MYO3B: variants seen among roughly 807,000 people sequenced by gnomAD.
The protein encoded by MYO3B is myosin IIIB, also known as myosin-IIIb.
Under a neutral mutation model 174.6 loss-of-function variants are expected in MYO3B, and 156 were observed. The ratio of observed to expected loss-of-function variants is 0.89; its 90% CI spans 0.78 to 1.02. MYO3B has a LOEUF of 1.02. Among genes scored for constraint, MYO3B ranks in the 50% least tolerant of loss-of-function variants. MYO3B has a pLI of 0.00. For synonymous variants in MYO3B, 563 were observed against 569.1 expected (o/e 0.99, Z 0.15); for missense variants, 1,632 against 1,639.4 (o/e 1.00, Z 0.08).
intron 32 of MYO3B, among the ~76,000 whole-genome samples, chr2:170,599,176 A>G (rs1398592182): frequency 1.3e-5 from 2 of 152,098 alleles, no homozygotes; most frequent in Non-Finnish European, 2.9e-5. Flanking sequence ...TTGTGTTCCT[A>G]GTCATTCTCT....
rs555978108 is a variant in MYO3B at position 170,427,496 on chromosome 2, G to A, written c.2651-16471G>A. Among the ~76,000 whole-genome samples the A allele has an allele frequency of 4.6e-5, 7 of 152,190 alleles. No individual in the cohort carries two copies. The South Asian group carries it at 8.3e-4, about 18-fold the overall frequency. ...GGAAGAAGTGTTTCTGGGCACTGGC[G>A]TTTTATGAACGGGTTATACATATAT... On this transcript the variant is annotated intron_variant, in intron 22 of 34. Coordinates refer to ENST00000408978, the MANE Select transcript of MYO3B (RefSeq NM_138995.5).
At chr2:170,416,059 G>A (rs1043745773) in intron 22 of MYO3B, among the ~76,000 whole-genome samples, 1 of 152,112 alleles carries the variant, frequency 6.6e-6, no homozygotes, top group Non-Finnish European at 1.5e-5. Flanking sequence ...CAATATAAAT[G>A]ATGTTCTTAT....
rs1178567758 is a variant in MYO3B, at chr2:170,383,757, C to A, written c.1233C>A (p.His411Gln). ...HGVKRASNPP[H>Q]IFASADAAYQ... ...TGAAACGCGCCTCCAATCCCCCCCA[C>A]ATATTTGCATCAGCAGATGCTGCTT... is the stretch of plus-strand genomic sequence containing the variant. The change falls in exon 12 of 35, where the codon CAC becomes CAA. Residue 411 changes from histidine (H) to glutamine (Q), a missense_variant. Physicochemically the swap from His to Gln is conservative, Grantham distance 24 (BLOSUM62 0). Coordinates refer to ENST00000408978, the MANE Select transcript of MYO3B (RefSeq NM_138995.5). 3 of 1,613,854 alleles carry A rather than the reference C, an allele frequency of 1.9e-6. No individual in the cohort carries two copies. The East Asian group carries it at 6.7e-5, about 36-fold the overall frequency.
intron 7 of MYO3B, among the ~76,000 whole-genome samples, chr2:170,291,351 G>T (rs13014777): frequency 6.6e-6 from 1 of 151,990 alleles, no homozygotes; most frequent in Non-Finnish European, 1.5e-5. Flanking sequence ...AGTTGTCTCA[G>T]TTTACATAGT....
chr2:170,583,008 G>C (rs1012958022), intron 32 of MYO3B, among the ~76,000 whole-genome samples: 1 of 151,866 alleles, frequency 6.6e-6, no homozygotes, highest in Non-Finnish European at 1.5e-5. Flanking sequence ...GCTCCTGACA[G>C]CTCCCCCTGC....
At chr2:170,467,638 C>A (rs116038979) in intron 25 of MYO3B, among the ~76,000 whole-genome samples, 1 of 151,668 alleles carries the variant, frequency 6.6e-6, no homozygotes, top group Non-Finnish European at 1.5e-5. Context: ...AAAAAAAATA[C>A]ATTGTAGAAT....
chr2:170,352,906 C>T (rs1320758180), intron 8 of MYO3B, among the ~76,000 whole-genome samples: 3 of 152,166 alleles, frequency 2.0e-5, no homozygotes, highest in African/African-American at 7.2e-5. Context: ...ACTGACAATA[C>T]CAAATGCTGC....
chr2:170,317,930 G>C (rs568984328), intron 7 of MYO3B, among the ~76,000 whole-genome samples: 48 of 152,208 alleles, frequency 3.2e-4, no homozygotes, highest in African/African-American at 1.1e-3. Context: ...ACTGATTCAT[G>C]GGACGCATTG....
chr2:170,469,890 G>A (rs1044917518), intron 25 of MYO3B, among the ~76,000 whole-genome samples: 1 of 151,930 alleles, frequency 6.6e-6, no homozygotes, highest in African/African-American at 2.4e-5. Flanking sequence ...ATCACCTGAG[G>A]TCGGGAGTTC....
chr2:170,498,667 G>A lies in MYO3B; in HGVS notation c.3090G>A (p.Lys1030=), dbSNP rs773848953. The A allele has an allele frequency of 4.0e-5, 65 of 1,613,786 alleles. No homozygotes were observed. In the East Asian group the frequency reaches 1.4e-3, roughly 34 times the overall value. ...SKESCVAILE[K]SRLDHWVLGK... ...AGAGCTGTGTGGCTATCTTGGAAAA[G>A]TCCAGATTAGATCACTGGGTACTGG... The change falls in exon 26 of 35, where the codon AAG becomes AAA. Residue 1030 remains lysine (K), a synonymous_variant. Transcript: ENST00000408978.
At chr2:170,603,828 G>A (rs6751996) in intron 32 of MYO3B, among the ~76,000 whole-genome samples, 30,123 of 152,148 alleles carry the variant, frequency 0.2, 5,312 homozygotes, top group African/African-American at 0.48. Flanking sequence ...TGACATAGCT[G>A]TATCATCATG....
chr2:170,573,991 C>T (rs1285791323), intron 32 of MYO3B, among the ~76,000 whole-genome samples: 1 of 152,092 alleles, frequency 6.6e-6, no homozygotes, highest in Non-Finnish European at 1.5e-5. Flanking sequence ...TTAGAAAACA[C>T]CCTCTTTTAT....
chr2:170,454,786 G>T (rs898635141), intron 23 of MYO3B, among the ~76,000 whole-genome samples: 3 of 152,218 alleles, frequency 2.0e-5, no homozygotes, highest in Non-Finnish European at 4.4e-5. Flanking sequence ...AGAGCCAGCT[G>T]TGTGGGAGAC....
intron 25 of MYO3B, among the ~76,000 whole-genome samples, chr2:170,490,186 G>A (rs540786764): frequency 2.0e-5 from 3 of 151,884 alleles, no homozygotes; most frequent in African/African-American, 7.2e-5. Context: ...CTGCTACCAC[G>A]CCCGGCTAAT....
intron 7 of MYO3B, among the ~76,000 whole-genome samples, chr2:170,270,748 A>G (rs2105368857): frequency 6.6e-6 from 1 of 152,258 alleles, no homozygotes; most frequent in Middle Eastern, 3.4e-3. Context: ...GCAGGGTTTG[A>G]GAGGGTTGGA....
intron 21 of MYO3B, 108 bp from the exon 22 acceptor site, chr2:170,407,607 G>GAT: frequency 1.0e-5 from 5 of 486,086 alleles, no homozygotes; most frequent in South Asian, 2.0e-5. Context: ...GCTATGTAAA[G>GAT]ATGAGTTCTA....
chr2:170,295,563 AT>A (rs1418517691), intron 7 of MYO3B, among the ~76,000 whole-genome samples: 7 of 152,020 alleles, frequency 4.6e-5, no homozygotes, highest in Non-Finnish European at 1.0e-4. Flanking sequence ...CATGTATTCT[AT>A]TTATATCTTA....
At chr2:170,290,147 C>T (rs1330204355) in intron 7 of MYO3B, among the ~76,000 whole-genome samples, 1 of 151,880 alleles carries the variant, frequency 6.6e-6, no homozygotes, top group African/African-American at 2.4e-5. Flanking sequence ...TGGAAAATGT[C>T]CTGTGTGCTG....
chr2:170,337,610 G>A (rs141536646), intron 8 of MYO3B, among the ~76,000 whole-genome samples: 12 of 152,240 alleles, frequency 7.9e-5, no homozygotes, highest in African/African-American at 1.7e-4. Context: ...ACAATGCAGC[G>A]GTTGGGGTGC....
Sources: gnomAD v4.1 joint callset for allele counts (sites outside exome capture counted in the v4.1 genomes callset) on GRCh38, gnomAD v4.1.1 for gene constraint, MANE v1.5 for transcripts, NCBI Gene and HGNC (gene_info 2026-07-23, HGNC 2026-07-21) for gene names.